The following CNTNAP2 variants were observed in gnomAD, a reference collection of about 807,000 sequenced individuals.
CNTNAP2 encodes contactin-associated protein-like 2.
A neutral mutation model predicts 155.2 loss-of-function variants in CNTNAP2; 98 were observed. The ratio of observed to expected loss-of-function variants is 0.63; its 90% confidence interval spans 0.54 to 0.75. The LOEUF (loss-of-function observed/expected upper bound fraction) is 0.75. Among genes scored for constraint, CNTNAP2 ranks in the 30% least tolerant of loss-of-function variants. The pLI, the probability that CNTNAP2 is intolerant of heterozygous loss-of-function variation, is 0.00. For missense variants in CNTNAP2, 1,727 were observed against 1,688.1 expected (o/e 1.02, Z -0.40); for synonymous variants, 651 against 631.2 (o/e 1.03, Z -0.47).
rs367885053 is a variant in CNTNAP2 at position 146,795,726 on chromosome 7, G to T, written c.208+21345G>T. On this transcript the variant is annotated intron_variant, in intron 2 of 23. Coordinates refer to ENST00000361727, the MANE Select transcript of CNTNAP2 (RefSeq NM_014141.6). ...GGTTGTCCGCAGACAAAATCTTATG[G>T]ATTCTAGCTATTATTTGATAAAATT... Among the ~76,000 whole-genome samples the T allele has an allele frequency of 2.6e-5, 4 of 152,270 alleles. No individual in the cohort carries two copies. In the East Asian group the frequency reaches 5.8e-4, roughly 22 times the overall value.
At chr7:148,147,774 A>C in intron 17 of CNTNAP2, 65 bp downstream of exon 17, 1 of 1,486,130 alleles carries the variant, frequency 6.7e-7, no homozygotes, top group South Asian at 1.2e-5. Context: ...ACAATACAAA[A>C]AAAAAAAAAA....
At chr7:147,594,476 G>C (rs868058023) in intron 12 of CNTNAP2, among the ~76,000 whole-genome samples, 2 of 152,036 alleles carry the variant, frequency 1.3e-5, no homozygotes, top group Admixed American at 1.3e-4. Context: ...TTTGATGAGG[G>C]GCTTGACTAC....
At chr7:147,020,351 A>G (rs940061865) in intron 3 of CNTNAP2, among the ~76,000 whole-genome samples, 1 of 152,202 alleles carries the variant, frequency 6.6e-6, no homozygotes, top group Non-Finnish European at 1.5e-5. Context: ...GATGAATTTC[A>G]TAACACAATA....
At chr7:147,305,379 G>A (rs1407271209) in intron 9 of CNTNAP2, among the ~76,000 whole-genome samples, 1 of 152,134 alleles carries the variant, frequency 6.6e-6, no homozygotes, top group Non-Finnish European at 1.5e-5. Flanking sequence ...ACTCCTTCAA[G>A]CATTTGGCTG....
At chr7:147,476,090 AT>A (rs1405412143) in intron 10 of CNTNAP2, among the ~76,000 whole-genome samples, 1 of 151,030 alleles carries the variant, frequency 6.6e-6, no homozygotes, top group Non-Finnish European at 1.5e-5. Context: ...GTTTATTTTT[AT>A]TTTTTATTTT....
intron 12 of CNTNAP2, among the ~76,000 whole-genome samples, chr7:147,619,200 G>A (rs974981220): frequency 1.2e-4 from 18 of 152,166 alleles, no homozygotes; most frequent in African/African-American, 3.1e-4. Context: ...TAGTTAATCC[G>A]TGGCTTATTT....
intron 21 of CNTNAP2, among the ~76,000 whole-genome samples, chr7:148,322,555 A>G (rs992645085): frequency 1.3e-5 from 2 of 152,180 alleles, no homozygotes; most frequent in Non-Finnish European, 2.9e-5. Context: ...CCCTCTCTTA[A>G]AGTTGTACTT....
In CNTNAP2 at chr7:148,383,690, C is replaced by A. The variant is rs772569737; in HGVS notation, c.3517C>A (p.Pro1173Thr). The A allele has an allele frequency of 1.3e-5, 21 of 1,614,072 alleles. No homozygotes were observed. The East Asian group carries it at 4.7e-4, about 36-fold the overall frequency. Residue 1173 changes from proline (P) to threonine (T), a missense_variant, in exon 22 of 24, where the codon CCA becomes ACA. Pro to Thr is a conservative substitution (Grantham distance 38). Transcript: ENST00000361727. ...IDQEIHKYNT[P>T]GFTGCLSRVQ... is the part of the protein sequence containing the mutation. ...CCAAGAGATTCACAAATACAACACCCCAGGATTCACTGGTTGCCTCTCCAG... is the reference window on the plus strand; with the variant it reads ...CCAAGAGATTCACAAATACAACACCACAGGATTCACTGGTTGCCTCTCCAG...
chr7:146,586,764 A>G (rs2129148760), intron 1 of CNTNAP2, among the ~76,000 whole-genome samples: 1 of 152,288 alleles, frequency 6.6e-6, no homozygotes, highest in East Asian at 1.9e-4. Context: ...CATATGAGGA[A>G]GGGTTTTTCC....
chr7:147,468,978 A>G (rs1208315115), intron 10 of CNTNAP2, among the ~76,000 whole-genome samples: 1 of 151,818 alleles, frequency 6.6e-6, no homozygotes, highest in Non-Finnish European at 1.5e-5. Context: ...GTGCGCCATC[A>G]CGCCAGGCTG....
At chr7:146,888,127 TCAAA>T (rs1007586959) in intron 3 of CNTNAP2, among the ~76,000 whole-genome samples, 6 of 152,134 alleles carry the variant, frequency 3.9e-5, no homozygotes, top group East Asian at 3.9e-4. Context: ...CTCTTCTTAC[TCAAA>T]CAGAGTTCCA....
chr7:148,218,356 G>C (rs144085792), intron 19 of CNTNAP2, among the ~76,000 whole-genome samples: 1 of 152,120 alleles, frequency 6.6e-6, no homozygotes, highest in African/African-American at 2.4e-5. Context: ...AATTCACAAA[G>C]TGTATCCCTG....
intron 1 of CNTNAP2, among the ~76,000 whole-genome samples, chr7:146,515,002 G>C (rs887582922): frequency 6.6e-6 from 1 of 151,910 alleles, no homozygotes. Context: ...TAATGGGATG[G>C]GTTTCCCAAA....
chr7:147,345,844 T>C (rs1249533204), intron 9 of CNTNAP2, among the ~76,000 whole-genome samples: 1 of 152,204 alleles, frequency 6.6e-6, no homozygotes. Context: ...AGTGAGCATG[T>C]AGGAGCATCA....
Position 147,906,552 on chromosome 7 carries a change from G to A in CNTNAP2, c.2255+2831G>A, listed in dbSNP as rs573050915. The stretch of plus-strand genomic sequence containing the variant: ...GTTGCCTGGGCTGGAGTGCAGTGGC[G>A]CAATCTCAGTGATTCTCCTGCTTCA... On this transcript the variant is annotated intron_variant, in intron 14 of 23. Coordinates refer to ENST00000361727, the MANE Select transcript of CNTNAP2 (RefSeq NM_014141.6). Among the ~76,000 whole-genome samples, 363 of 150,124 alleles carry A rather than the reference G, an allele frequency of 2.4e-3. 2 individuals carry two copies. Among genetic ancestry groups the A allele is most frequent in the Non-Finnish European group, 3.8e-3 (254 of 67,492 alleles).
chr7:147,105,752 TTAGATAGATGGA>T (rs1254129009), intron 4 of CNTNAP2, among the ~76,000 whole-genome samples: 1 of 152,042 alleles, frequency 6.6e-6, no homozygotes, highest in Non-Finnish European at 1.5e-5. Flanking sequence ...AAATTTTGTT[TTAGATAGATGGA>T]TAGATAGGTG....
intron 7 of CNTNAP2, among the ~76,000 whole-genome samples, chr7:147,132,009 G>A (rs1801384485): frequency 6.6e-6 from 1 of 152,036 alleles, no homozygotes; most frequent in Non-Finnish European, 1.5e-5. Context: ...ATCCCATGGT[G>A]GAAGCTGCTT....
chr7:147,232,943 T>C (rs1803717275), intron 8 of CNTNAP2, among the ~76,000 whole-genome samples: 1 of 152,224 alleles, frequency 6.6e-6, no homozygotes, highest in Non-Finnish European at 1.5e-5. Context: ...TAAAATTTCA[T>C]AATTAAAGAA....
intron 8 of CNTNAP2, among the ~76,000 whole-genome samples, chr7:147,256,626 A>G (rs1182334489): frequency 6.6e-6 from 1 of 152,064 alleles, no homozygotes; most frequent in East Asian, 1.9e-4. Flanking sequence ...AACTAGGCAT[A>G]CTTCATAAAA....
Sources: gnomAD v4.1 joint callset for allele counts (sites outside exome capture counted in the v4.1 genomes callset) on GRCh38, gnomAD v4.1.1 for gene constraint, MANE v1.5 for transcripts, NCBI Gene and HGNC (gene_info 2026-07-23, HGNC 2026-07-21) for gene names.